RNF216: variants seen among roughly 807,000 people sequenced by gnomAD.
RNF216 encodes the protein E3 ubiquitin-protein ligase RNF216.
Under a neutral mutation model 110.8 loss-of-function variants are expected in RNF216, and 72 were observed. The ratio of observed to expected loss-of-function variants is 0.65; its 90% CI spans 0.54 to 0.79. The LOEUF is 0.79. Among genes scored for constraint, RNF216 ranks in the 30% least tolerant of loss-of-function variants. The probability of loss-of-function intolerance (pLI) is 0.00; values close to 1 mark genes in which losing one functional copy is unlikely to be tolerated. For missense variants in RNF216, 1,342 were observed against 1,141.2 expected, an observed-to-expected ratio of 1.18 and a Z score of -2.54; for synonymous variants, 495 against 407.5, an observed-to-expected ratio of 1.21 and a Z score of -2.59.
chr7:5,745,363 A>G (rs1794977269), intron 3 of RNF216, among the ~76,000 whole-genome samples: 1 of 152,216 alleles, frequency 6.6e-6, no homozygotes, highest in Non-Finnish European at 1.5e-5. Context: ...ATCTAAAGCA[A>G]AAAGGCACCA....
chr7:5,752,995 G>A lies in RNF216; in HGVS notation c.68-16C>T. The A allele has an allele frequency of 6.2e-7, 1 of 1,601,546 alleles. No homozygotes were observed. Among genetic ancestry groups the A allele is most frequent in the Non-Finnish European group, 8.5e-7 (1 of 1,175,228 alleles). On this transcript the variant is annotated splice_polypyrimidine_tract_variant and intron_variant, in intron 2 of 16. Coordinates refer to ENST00000389902, the MANE Select transcript of RNF216 (RefSeq NM_207111.4). ...TTGATCCACTCTACAGGAAAGCAGA[G>A]AACACTGTTACTGGGAGGTTGGCAC...
At chr7:5,756,079 A>G (rs1208166126) in intron 2 of RNF216, among the ~76,000 whole-genome samples, 4 of 151,752 alleles carry the variant, frequency 2.6e-5, no homozygotes, top group Non-Finnish European at 5.9e-5. Flanking sequence ...TAATCGGATC[A>G]TGGGGGCAGT....
intron 3 of RNF216, among the ~76,000 whole-genome samples, chr7:5,743,319 CATT>C (rs1794866936): frequency 6.6e-6 from 1 of 152,090 alleles, no homozygotes; most frequent in Non-Finnish European, 1.5e-5. Context: ...TGTCTGTCAT[CATT>C]TTTTCATACT....
intron 1 of RNF216, among the ~76,000 whole-genome samples, chr7:5,768,346 T>TACATACACACACACACACACACACAC (rs71547789): frequency 1.4e-5 from 1 of 71,886 alleles, no homozygotes; most frequent in Non-Finnish European, 2.7e-5. Flanking sequence ...GGCAGGCAAA[T>TACATACACACACACACACACACACAC]ACACACACAC....
At chr7:5,677,974 G>C (rs765095183) in intron 13 of RNF216, among the ~76,000 whole-genome samples, 16 of 152,094 alleles carry the variant, frequency 1.1e-4, no homozygotes, top group Non-Finnish European at 1.5e-4. Flanking sequence ...AGACCACAGT[G>C]ATCTTTCCAG....
intron 1 of RNF216, among the ~76,000 whole-genome samples, chr7:5,774,570 C>T (rs4724726): frequency 0.35 from 52,988 of 152,010 alleles, 10,694 homozygotes; most frequent in East Asian, 0.76. Flanking sequence ...CTGTTACCTG[C>T]GAAACAGAAA....
In RNF216 at chr7:5,739,285, T is replaced by G. The variant is rs1326110842; in HGVS notation, c.1112A>C (p.Asp371Ala). 6.3e-7 allele frequency: 1 copy of G among 1,592,772 alleles called. No individual in the cohort carries two copies. Among genetic ancestry groups the G allele is most frequent in the Non-Finnish European group, 8.5e-7 (1 of 1,173,606 alleles). ...ATGGTAGTATACTTACACATTCAGATCATAATAATTCTTAAAATGAATTAT... is the reference window on the plus strand; with the variant it reads ...ATGGTAGTATACTTACACATTCAGAGCATAATAATTCTTAAAATGAATTAT... ...EEIIHFKNYY[D>A]LNVLCNFLLE... The change falls in exon 5 of 17, where the codon GAT becomes GCT. Residue 371 changes from aspartate to alanine, a missense_variant. By Grantham distance (126) the Asp-to-Ala change is moderately radical. Transcript: ENST00000389902.
chr7:5,663,138 G>A (rs1395289085), intron 13 of RNF216, among the ~76,000 whole-genome samples: 1 of 152,182 alleles, frequency 6.6e-6, no homozygotes, highest in Non-Finnish European at 1.5e-5. Flanking sequence ...CTTAGCTTAT[G>A]CGTTGTTACT....
intron 6 of RNF216, among the ~76,000 whole-genome samples, chr7:5,730,397 T>C (rs1408611928): frequency 6.6e-6 from 1 of 152,242 alleles, no homozygotes; most frequent in Non-Finnish European, 1.5e-5. Flanking sequence ...GTTAAGAGTT[T>C]TGGCCAATTC....
intron 13 of RNF216, among the ~76,000 whole-genome samples, chr7:5,655,902 G>C (rs1318738771): frequency 6.6e-6 from 1 of 152,124 alleles, no homozygotes; most frequent in Non-Finnish European, 1.5e-5. Flanking sequence ...TGTCACCCTG[G>C]CTGGAGTGCT....
chr7:5,656,086 T>C (rs553920240), intron 13 of RNF216, among the ~76,000 whole-genome samples: 1 of 152,170 alleles, frequency 6.6e-6, no homozygotes, highest in South Asian at 2.1e-4. Flanking sequence ...CTGGGCAACA[T>C]GGTCAAACCC....
intron 13 of RNF216, among the ~76,000 whole-genome samples, chr7:5,659,199 GCT>G (rs1294331621): frequency 2.0e-5 from 3 of 152,180 alleles, no homozygotes; most frequent in African/African-American, 7.2e-5. Context: ...TCATTTATGT[GCT>G]CTTCCAGTAT....
At chr7:5,765,563 G>A (rs567788982) in intron 1 of RNF216, among the ~76,000 whole-genome samples, 30 of 151,922 alleles carry the variant, frequency 2.0e-4, no homozygotes, top group African/African-American at 5.8e-4. Context: ...CCAGGAGTTC[G>A]ACACTGCAGT....
At chr7:5,714,680 T>G (rs1792928525) in intron 11 of RNF216, among the ~76,000 whole-genome samples, 1 of 152,222 alleles carries the variant, frequency 6.6e-6, no homozygotes, top group South Asian at 2.1e-4. Flanking sequence ...CCAGAGAAAC[T>G]CACTTTGGAG....
intron 14 of RNF216, among the ~76,000 whole-genome samples, chr7:5,649,386 G>GTCTCC (rs1788246566): frequency 1.4e-5 from 2 of 146,930 alleles, no homozygotes; most frequent in African/African-American, 5.0e-5. Flanking sequence ...GTCTCCAAAG[G>GTCTCC]AAAAAAAAAA....
intron 13 of RNF216, among the ~76,000 whole-genome samples, chr7:5,667,477 C>T (rs1004215834): frequency 6.6e-6 from 1 of 152,232 alleles, no homozygotes; most frequent in Admixed American, 6.5e-5. Flanking sequence ...GGTGACTCTG[C>T]TGATAAGGAA....
At chr7:5,691,065 G>C (rs565475492) in intron 13 of RNF216, among the ~76,000 whole-genome samples, 1 of 152,228 alleles carries the variant, frequency 6.6e-6, no homozygotes, top group African/African-American at 2.4e-5. Flanking sequence ...GCCGTGCAAA[G>C]AACTCTGTTC....
At chr7:5,736,491 C>G (rs1794407768) in intron 5 of RNF216, among the ~76,000 whole-genome samples, 5 of 152,194 alleles carry the variant, frequency 3.3e-5, no homozygotes, top group Admixed American at 3.3e-4. Flanking sequence ...TCCCAGCCGC[C>G]TGCCTTGGCC....
chr7:5,741,463 C>T lies in RNF216; in HGVS notation c.554G>A (p.Ser185Asn). The T allele has an allele frequency of 6.2e-7, 1 of 1,614,160 alleles. No individual in the cohort carries two copies. Among genetic ancestry groups the T allele is most frequent in the Non-Finnish European group, 8.5e-7 (1 of 1,180,030 alleles). ...EQKVIILEEG[S>N]LLYTESDPLE... ...AGGATCGCTTTCTGTGTAAAGAAGGCTACCTTCTTCCAAGATGATGACTTT... is the reference window on the plus strand; with the variant it reads ...AGGATCGCTTTCTGTGTAAAGAAGGTTACCTTCTTCCAAGATGATGACTTT... The change falls in exon 4 of 17, where the codon AGC (serine) becomes AAC (asparagine). Residue 185 changes from serine (S) to asparagine (N), a missense_variant. Ser to Asn is a conservative substitution (Grantham distance 46). Transcript: ENST00000389902.
Sources: allele counts gnomAD v4.1 joint callset (sites outside exome capture counted in the v4.1 genomes callset), GRCh38; gene constraint gnomAD v4.1.1; transcripts MANE v1.5; gene names NCBI Gene and HGNC (gene_info 2026-07-23, HGNC 2026-07-21).